TANGO6: variants seen among roughly 807,000 people sequenced by gnomAD.
TANGO6 encodes the protein transport and Golgi organization protein 6 homolog.
TANGO6 carries 90 observed loss-of-function variants against 114.2 expected under a neutral mutation model. The observed-to-expected ratio is 0.79, with a 90% CI of 0.66 to 0.94. The LOEUF (loss-of-function observed/expected upper bound fraction) is 0.94, where lower values mean the gene tolerates loss of function less well. Among genes scored for constraint, TANGO6 ranks in the 40% least tolerant of loss-of-function variants. The pLI is 0.00. For synonymous variants in TANGO6, 477 were observed against 509.8 expected, an observed-to-expected ratio of 0.94 and a Z score of 0.87; for missense variants, 1,274 against 1,315.3, an observed-to-expected ratio of 0.97 and a Z score of 0.49.
intron 14 of TANGO6, among the ~76,000 whole-genome samples, chr16:68,966,513 TA>T (rs1963647281): frequency 6.8e-6 from 1 of 146,916 alleles, no homozygotes; most frequent in African/African-American, 2.7e-5. Flanking sequence ...CAAAAAAAAA[TA>T]AAATAAAATA....
At chr16:68,974,855 C>T (rs2152213203) in intron 15 of TANGO6, among the ~76,000 whole-genome samples, 1 of 152,010 alleles carries the variant, frequency 6.6e-6, no homozygotes, top group Middle Eastern at 3.4e-3. Flanking sequence ...TTAGGCCTGG[C>T]AGGAGTTCAA....
intron 1 of TANGO6, among the ~76,000 whole-genome samples, chr16:68,849,312 C>T (rs62055795): frequency 0.037 from 5,511 of 150,822 alleles, 147 homozygotes; most frequent in South Asian, 0.073. Flanking sequence ...CCAGCCTGGG[C>T]GACAAAGTGA....
At chr16:68,866,585 T>TGCA (rs1962180718) in intron 3 of TANGO6, among the ~76,000 whole-genome samples, 1 of 147,982 alleles carries the variant, frequency 6.8e-6, no homozygotes, top group Non-Finnish European at 1.5e-5. Flanking sequence ...ATTGCGCCAC[T>TGCA]GCAGTCCGCA....
At chr16:69,034,867 C>CTTTTTTTTTTT (rs113187614) in intron 16 of TANGO6, 3 of 131,372 alleles carry the variant, frequency 2.3e-5, no homozygotes, top group Non-Finnish European at 5.0e-5. Context: ...TTTTTTTTTT[C>CTTTTTTTTTTT]TTTTTTTTTT....
intron 4 of TANGO6, among the ~76,000 whole-genome samples, chr16:68,868,460 G>GAGT (rs920702958): frequency 1.1e-3 from 157 of 145,892 alleles, no homozygotes; most frequent in Non-Finnish European, 3.7e-4. Context: ...CTCTTTCAGT[G>GAGT]AGTTTTTTCT....
At chr16:68,862,607 C>T (rs1029853748) in intron 2 of TANGO6, among the ~76,000 whole-genome samples, 3 of 152,098 alleles carry the variant, frequency 2.0e-5, no homozygotes, top group African/African-American at 7.2e-5. Context: ...GAAAAATACC[C>T]AGCAAGAAAG....
Position 69,022,848 on chromosome 16 carries a change from C to A in TANGO6, c.2863C>A (p.Arg955=). 1 of 1,585,018 alleles carries A rather than the reference C, an allele frequency of 6.3e-7. No homozygotes were observed. Among genetic ancestry groups the A allele is most frequent in the African/African-American group, 1.3e-5 (1 of 74,470 alleles). The stretch of plus-strand genomic sequence containing the variant: ...TATAGGAGACATGGTCTCAAAGTAC[C>A]GAGAACCTTTGATCCATACCTTCCT... ...RALGDMVSKY[R]EPLIHTFLRG... The change falls in exon 16 of 18, where the codon CGA becomes AGA. Residue 955 remains arginine, a synonymous_variant. Coordinates refer to ENST00000261778, the MANE Select transcript of TANGO6 (RefSeq NM_024562.2).
chr16:69,067,063 A>G (rs921035375), intron 17 of TANGO6, among the ~76,000 whole-genome samples: 1 of 152,018 alleles, frequency 6.6e-6, no homozygotes, highest in African/African-American at 2.4e-5. Flanking sequence ...TGCCCGACTA[A>G]TTCTATTATT....
intron 6 of TANGO6, 117 bp from the exon 7 acceptor site, chr16:68,880,431 C>G (rs1962441292): frequency 1.7e-6 from 1 of 602,742 alleles, no homozygotes; most frequent in Non-Finnish European, 2.9e-6. Context: ...TAACCATTTT[C>G]TGATCTTAGG....
chr16:69,026,310 C>T (rs1431483271), intron 16 of TANGO6: 1 of 151,530 alleles, frequency 6.6e-6, no homozygotes, highest in African/African-American at 2.4e-5. Flanking sequence ...TGACTTCAAA[C>T]TTTTTTTTTG....
At chr16:68,894,241 C>T (rs1962673400) in intron 7 of TANGO6, among the ~76,000 whole-genome samples, 1 of 152,128 alleles carries the variant, frequency 6.6e-6, no homozygotes, top group African/African-American at 2.4e-5. Context: ...AGCCAATGAT[C>T]AGGGGACGAT....
chr16:68,909,095 C>A lies in TANGO6; in HGVS notation c.1801-116C>A. On this transcript the variant is annotated intron_variant, in intron 10 of 17. Coordinates refer to ENST00000261778, the MANE Select transcript of TANGO6 (RefSeq NM_024562.2). ...TTGGCTATTATAAATAATGTTGCAA[C>A]AAACACAGACTATTTATTTAAACAT... is the stretch of plus-strand genomic sequence containing the variant. The A allele has an allele frequency of 3.2e-6, 3 of 933,940 alleles. No homozygotes were observed. The East Asian group carries it at 9.6e-5, about 30-fold the overall frequency. 57.9% of individuals were successfully genotyped at this position (933,940 alleles called of 1,614,324 possible).
chr16:68,975,447 G>T (rs1056537580), intron 15 of TANGO6, among the ~76,000 whole-genome samples: 2 of 151,588 alleles, frequency 1.3e-5, no homozygotes, highest in African/African-American at 4.8e-5. Flanking sequence ...TCTCAAACTC[G>T]TGGACTCAAG....
chr16:69,050,596 T>G (rs1205029973), intron 17 of TANGO6, among the ~76,000 whole-genome samples: 2 of 151,920 alleles, frequency 1.3e-5, no homozygotes, highest in Non-Finnish European at 2.9e-5. Context: ...TTCAAGCAAT[T>G]CTCCTGCCCC....
chr16:68,885,827 T>C (rs1356897529), intron 7 of TANGO6: 1 of 152,258 alleles, frequency 6.6e-6, no homozygotes, highest in African/African-American at 2.4e-5. Flanking sequence ...TTGGCTCTTA[T>C]GAATAATGCT....
At chr16:69,010,692 A>G (rs1243031840) in intron 15 of TANGO6, among the ~76,000 whole-genome samples, 1 of 152,284 alleles carries the variant, frequency 6.6e-6, no homozygotes, top group East Asian at 1.9e-4. Context: ...AAGAATAGAT[A>G]TCACCCATCC....
chr16:68,963,709 G>A (rs1963617144), intron 14 of TANGO6, among the ~76,000 whole-genome samples: 1 of 152,202 alleles, frequency 6.6e-6, no homozygotes, highest in African/African-American at 2.4e-5. Flanking sequence ...GTTTACTGCT[G>A]ACCATGTGGA....
At chr16:68,915,221 G>A (rs1567538888) in intron 11 of TANGO6, among the ~76,000 whole-genome samples, 1 of 151,212 alleles carries the variant, frequency 6.6e-6, no homozygotes. Flanking sequence ...AAAGTTGGAA[G>A]GCTAAATAGT....
chr16:68,984,131 G>A (rs897015383), intron 15 of TANGO6, among the ~76,000 whole-genome samples: 5 of 152,142 alleles, frequency 3.3e-5, no homozygotes, highest in African/African-American at 1.2e-4. Flanking sequence ...GAAAAGGGAG[G>A]TTGGAAGTGT....
Sources: gnomAD v4.1 joint callset for allele counts (sites outside exome capture counted in the v4.1 genomes callset) on GRCh38, gnomAD v4.1.1 for gene constraint, MANE v1.5 for transcripts, NCBI Gene and HGNC (gene_info 2026-07-23, HGNC 2026-07-21) for gene names.